PHC3: variants seen among roughly 807,000 people sequenced by gnomAD.
PHC3 encodes the protein polyhomeotic homolog 3, also known as polyhomeotic-like protein 3.
A neutral mutation model predicts 107.4 loss-of-function variants in PHC3; 13 were observed. The observed-to-expected ratio is 0.12, with a 90% CI of 0.08 to 0.19. The LOEUF is 0.19. Ranked by LOEUF, PHC3 falls within the 10% of genes least tolerant of loss-of-function variation. PHC3 has a pLI of 1.00. For missense variants in PHC3, 992 were observed against 1,210.9 expected (o/e 0.82, Z 2.68); for synonymous variants, 456 against 427.4 (o/e 1.07, Z -0.83).
intron 2 of PHC3, among the ~76,000 whole-genome samples, chr3:170,178,215 C>T (rs2108790663): frequency 6.6e-6 from 1 of 151,114 alleles, no homozygotes; most frequent in African/African-American, 2.4e-5. Context: ...GCGATCTCCG[C>T]TCACTGCAAG....
At chr3:170,163,448 A>G (rs1400364835) in intron 4 of PHC3, among the ~76,000 whole-genome samples, 4 of 135,964 alleles carry the variant, frequency 2.9e-5, no homozygotes, top group Middle Eastern at 3.3e-3. Flanking sequence ...AAATTCCCAA[A>G]TATTTAGTAA....
Position 170,111,391 on chromosome 3 carries a change from A to AGG in PHC3, c.2353+1968_2353+1969insCC, listed in dbSNP as rs1491273224. Among the ~76,000 whole-genome samples, 118 of 150,418 alleles carry AGG rather than the reference A, an allele frequency of 7.8e-4. 1 individual carries two copies. Among genetic ancestry groups the AGG allele is most frequent in the African/African-American group, 2.8e-3 (115 of 40,998 alleles). ...GAAAAAGAAAGAAAGAGAGAGAAAG[A>AGG]AAGAGGAAGGAAGGAAGGAAGGAAG... On this transcript the variant is annotated intron_variant, in intron 11 of 14. Coordinates refer to ENST00000495893, the MANE Select transcript of PHC3 (RefSeq NM_024947.4).
chr3:170,099,481 G>C (rs746711167), intron 14 of PHC3, among the ~76,000 whole-genome samples: 1 of 152,172 alleles, frequency 6.6e-6, no homozygotes, highest in African/African-American at 2.4e-5. Context: ...GGTATACTGA[G>C]ATAAAGTTCT....
chr3:170,105,184 G>A (rs554859568), intron 12 of PHC3, among the ~76,000 whole-genome samples: 3 of 152,298 alleles, frequency 2.0e-5, no homozygotes, highest in African/African-American at 7.2e-5. Flanking sequence ...TATTCTGAAA[G>A]GGAGTCCTTT....
At chr3:170,146,527 TTC>T (rs1472351058) in intron 5 of PHC3, among the ~76,000 whole-genome samples, 28 of 142,352 alleles carry the variant, frequency 2.0e-4, no homozygotes, top group East Asian at 4.2e-4. Flanking sequence ...TTTTTTCCTT[TTC>T]TTTTTCTTTT....
chr3:170,117,153 A>G (rs1370071813), intron 10 of PHC3, 73 bp downstream of exon 10: 1 of 1,558,922 alleles, frequency 6.4e-7, no homozygotes, highest in Non-Finnish European at 8.8e-7. Flanking sequence ...TTTATTAGAG[A>G]ACAGTAATAT....
chr3:170,159,022 C>A (rs566913558), intron 4 of PHC3, among the ~76,000 whole-genome samples: 1 of 151,686 alleles, frequency 6.6e-6, no homozygotes, highest in Non-Finnish European at 1.5e-5. Context: ...GAGGCCAAGG[C>A]GGGCAGATCA....
chr3:170,112,297 G>A (rs555423574), intron 11 of PHC3, among the ~76,000 whole-genome samples: 11 of 151,558 alleles, frequency 7.3e-5, no homozygotes, highest in South Asian at 4.2e-4. Flanking sequence ...TGCAACTTCC[G>A]ACTCCCTGGT....
intron 6 of PHC3, among the ~76,000 whole-genome samples, chr3:170,137,921 G>T (rs759855534): frequency 6.6e-6 from 1 of 152,164 alleles, no homozygotes; most frequent in South Asian, 2.1e-4. Context: ...CCTTTCTCAG[G>T]CTGGGTGTGG....
At chr3:170,129,820 C>T (rs900244722) in intron 7 of PHC3, among the ~76,000 whole-genome samples, 1 of 152,126 alleles carries the variant, frequency 6.6e-6, no homozygotes, top group African/African-American at 2.4e-5. Context: ...CTGTCTCTGC[C>T]TCCGGAGTAG....
intron 11 of PHC3, among the ~76,000 whole-genome samples, chr3:170,107,596 A>C (rs1229508677): frequency 2.6e-5 from 4 of 152,180 alleles, no homozygotes; most frequent in South Asian, 4.1e-4. Flanking sequence ...ATATATATAC[A>C]TACATAAAAT....
Position 170,097,521 on chromosome 3 carries a change from G to T in PHC3, c.2834-137C>A. 1 of 786,554 alleles carries T rather than the reference G, an allele frequency of 1.3e-6. No individual in the cohort carries two copies. Among genetic ancestry groups the T allele is most frequent in the Non-Finnish European group, 1.9e-6 (1 of 537,728 alleles). 48.7% of individuals were successfully genotyped at this position (786,554 alleles called of 1,614,324 possible). A position where few individuals can be genotyped will look rare whatever the true frequency, so the allele number is the denominator to read the frequency against. On this transcript the variant is annotated intron_variant, in intron 14 of 14. Transcript: ENST00000495893. This position sits in a 1 kb window ranked among gnomAD's most constrained non-coding sequence, Gnocchi z 4.1. ...GAGAAACAAATGAAATTTATTTATGGTAGTCTTGAGTTCACTCTTGAAGAA... is the reference window on the plus strand; with the variant it reads ...GAGAAACAAATGAAATTTATTTATGTTAGTCTTGAGTTCACTCTTGAAGAA...
At chr3:170,171,884 C>T (rs890167386) in intron 3 of PHC3, among the ~76,000 whole-genome samples, 2 of 152,178 alleles carry the variant, frequency 1.3e-5, no homozygotes, top group Non-Finnish European at 2.9e-5. Flanking sequence ...AAACCTTTTT[C>T]AGGTTCAGTC....
chr3:170,132,350 A>T (rs1722392597), intron 7 of PHC3, among the ~76,000 whole-genome samples: 1 of 152,210 alleles, frequency 6.6e-6, no homozygotes, highest in South Asian at 2.1e-4. Context: ...TAAGGACAGC[A>T]TTAGGTCTAA....
At chr3:170,124,267 T>A (rs1720916553) in intron 8 of PHC3, among the ~76,000 whole-genome samples, 1 of 152,234 alleles carries the variant, frequency 6.6e-6, no homozygotes, top group African/African-American at 2.4e-5. Context: ...AAATGATTAC[T>A]AAAAATAAAG....
intron 12 of PHC3, 100 bp from the exon 13 acceptor site, chr3:170,103,034 CACAAT>C: frequency 9.0e-7 from 1 of 1,112,022 alleles, no homozygotes; most frequent in Non-Finnish European, 1.3e-6. Context: ...CAGTAAGTAC[CACAAT>C]ACATCATTAA....
At chr3:170,177,691 G>C (rs1265897927) in intron 2 of PHC3, among the ~76,000 whole-genome samples, 1 of 94,104 alleles carries the variant, frequency 1.1e-5, no homozygotes, top group Non-Finnish European at 2.0e-5. Flanking sequence ...TTTTTTTTGA[G>C]ACAGGGTCTC....
intron 4 of PHC3, among the ~76,000 whole-genome samples, chr3:170,154,181 G>T (rs1202782647): frequency 6.6e-6 from 1 of 152,062 alleles, no homozygotes; most frequent in Non-Finnish European, 1.5e-5. Flanking sequence ...CATATATCCA[G>T]TATCTACGAA....
At chr3:170,139,155 G>A (rs770111619) in intron 6 of PHC3, among the ~76,000 whole-genome samples, 3 of 152,154 alleles carry the variant, frequency 2.0e-5, no homozygotes, top group East Asian at 3.8e-4. Context: ...ACTGAGACTC[G>A]CTAGTAGACT....
Sources: allele counts gnomAD v4.1 joint callset (sites outside exome capture counted in the v4.1 genomes callset), GRCh38; gene constraint gnomAD v4.1.1; non-coding constraint Gnocchi (gnomAD v3.1); transcripts MANE v1.5; gene names NCBI Gene and HGNC (gene_info 2026-07-23, HGNC 2026-07-21).